The following MAP3K5 variants were observed in gnomAD, a reference collection of about 807,000 sequenced individuals.
The protein encoded by MAP3K5 is ASK-1.
MAP3K5 carries 56 observed loss-of-function variants against 158.7 expected under a neutral mutation model. The ratio of observed to expected loss-of-function variants is 0.35; its 90% CI spans 0.28 to 0.44. The LOEUF is 0.44. Among genes scored for constraint, MAP3K5 ranks in the 20% least tolerant of loss-of-function variants. The pLI is 1.00. For missense variants in MAP3K5, 1,294 were observed against 1,674.8 expected (o/e 0.77, Z 3.97); for synonymous variants, 579 against 601.7 (o/e 0.96, Z 0.55).
intron 7 of MAP3K5, among the ~76,000 whole-genome samples, chr6:136,676,637 A>AT (rs902629773): frequency 2.4e-4 from 36 of 149,396 alleles, no homozygotes; most frequent in Admixed American, 1.1e-3. Flanking sequence ...TTGGTATATG[A>AT]TTTTTTTTTT....
chr6:136,598,003 T>C (rs1284135927), intron 21 of MAP3K5, among the ~76,000 whole-genome samples: 4 of 152,226 alleles, frequency 2.6e-5, no homozygotes, highest in Non-Finnish European at 5.9e-5. Context: ...TGTAGAATCA[T>C]AGGTCCAGTG....
intron 14 of MAP3K5, among the ~76,000 whole-genome samples, chr6:136,633,953 A>G (rs2129103261): frequency 1.3e-5 from 2 of 152,358 alleles, no homozygotes; most frequent in East Asian, 1.9e-4. Context: ...GGTAAACATC[A>G]GAAAATAATT....
chr6:136,599,711 T>C (rs1775793100), intron 21 of MAP3K5, among the ~76,000 whole-genome samples: 1 of 152,168 alleles, frequency 6.6e-6, no homozygotes, highest in African/African-American at 2.4e-5. Context: ...AAGTAGGTAA[T>C]GTTACCAGCA....
intron 25 of MAP3K5, among the ~76,000 whole-genome samples, chr6:136,577,820 T>A (rs1387189049): frequency 6.6e-6 from 1 of 152,266 alleles, no homozygotes; most frequent in Non-Finnish European, 1.5e-5. Flanking sequence ...ATGATTAAAT[T>A]AACATTGGTA....
At chr6:136,649,934 A>G (rs1002038593) in intron 11 of MAP3K5, among the ~76,000 whole-genome samples, 1 of 152,216 alleles carries the variant, frequency 6.6e-6, no homozygotes, top group Non-Finnish European at 1.5e-5. Context: ...ATCCAGGTCT[A>G]TTGACTCAAG....
chr6:136,576,551 C>T (rs191820397), intron 25 of MAP3K5, among the ~76,000 whole-genome samples: 1 of 152,294 alleles, frequency 6.6e-6, no homozygotes, highest in Non-Finnish European at 1.5e-5. Context: ...AAGCAATCCT[C>T]TTGCCTTGGC....
Position 136,771,742 on chromosome 6 carries a change from G to A in MAP3K5, c.448+19968C>T, listed in dbSNP as rs184472811. Among the ~76,000 whole-genome samples, 558 of 152,254 alleles carry A rather than the reference G, an allele frequency of 3.7e-3. 2 individuals carry two copies. Among genetic ancestry groups the A allele is most frequent in the Admixed American group, 6.3e-3 (97 of 15,302 alleles). The stretch of plus-strand genomic sequence containing the variant: ...GCCCTTGAATTCTTTCCTGGGCAAA[G>A]CCAAGAACCCTCATGGGCTAAGCTC... On this transcript the variant is annotated intron_variant, in intron 1 of 29. Transcript: ENST00000359015.
intron 8 of MAP3K5, among the ~76,000 whole-genome samples, chr6:136,663,579 T>G (rs1401467264): frequency 6.6e-6 from 1 of 151,892 alleles, no homozygotes; most frequent in Non-Finnish European, 1.5e-5. Flanking sequence ...TTAATTGCAT[T>G]TAGTTTTTAT....
Position 136,769,810 on chromosome 6 carries a change from A to AGGGAGGGAGGGAGGGG in MAP3K5, c.448+21899_448+21900insCCCCTCCCTCCCTCCC, listed in dbSNP as rs1562691253. On this transcript the variant is annotated intron_variant, in intron 1 of 29. Coordinates refer to ENST00000359015, the MANE Select transcript of MAP3K5 (RefSeq NM_005923.4). ...AAGGAAGGAAGGGAGGGAGGGAGGG[A>AGGGAGGGAGGGAGGGG]GGGGACGGGAGGGAGGGAGGGAAGG... Among the ~76,000 whole-genome samples, 14 of 26,322 alleles carry AGGGAGGGAGGGAGGGG rather than the reference A, an allele frequency of 5.3e-4. 1 individual carries two copies. Among genetic ancestry groups the AGGGAGGGAGGGAGGGG allele is most frequent in the Non-Finnish European group, 9.6e-4 (14 of 14,612 alleles). The allele number at this position is 26,322 out of a possible 152,430, so 17.3% of individuals were successfully genotyped here.
At chr6:136,745,149 T>G (rs1333398581) in intron 1 of MAP3K5, among the ~76,000 whole-genome samples, 2 of 150,246 alleles carry the variant, frequency 1.3e-5, no homozygotes, top group Non-Finnish European at 3.0e-5. Context: ...TAAAGTTTTT[T>G]TTTTTTTTTT....
intron 15 of MAP3K5, among the ~76,000 whole-genome samples, chr6:136,615,026 A>C (rs1776504119): frequency 6.6e-6 from 1 of 152,210 alleles, no homozygotes; most frequent in Admixed American, 6.5e-5. Context: ...AAATTATAAA[A>C]GTTATTTTAT....
At chr6:136,608,212 G>A (rs935822682) in intron 18 of MAP3K5, among the ~76,000 whole-genome samples, 7 of 151,872 alleles carry the variant, frequency 4.6e-5, no homozygotes, top group Non-Finnish European at 1.0e-4. Flanking sequence ...AACAGACTCC[G>A]AATCAGGTCA....
upstream of MAP3K5, among the ~76,000 whole-genome samples, chr6:136,792,857 T>C (rs897571070): frequency 9.2e-5 from 14 of 152,248 alleles, no homozygotes; most frequent in Middle Eastern, 3.4e-3. This position sits in a 1 kb window ranked among gnomAD's most constrained non-coding sequence, Gnocchi z 5.7. Flanking sequence ...ACCACCAGCT[T>C]CTGGCCACCC....
chr6:136,688,502 A>C (rs958803404), intron 7 of MAP3K5, among the ~76,000 whole-genome samples: 1 of 152,204 alleles, frequency 6.6e-6, no homozygotes, highest in Non-Finnish European at 1.5e-5. Context: ...GCTTAAAATG[A>C]AATCACAAAA....
In MAP3K5 at chr6:136,567,686, T is replaced by G. The variant is rs2129070019; in HGVS notation, c.3706A>C (p.Ser1236Arg). The G allele has an allele frequency of 6.2e-7, 1 of 1,614,184 alleles. No individual in the cohort carries two copies. Among genetic ancestry groups the G allele is most frequent in the African/African-American group, 1.3e-5 (1 of 75,058 alleles). Reference protein sequence around the residue: ...LSSTVSHDSQSAHRSLNVQLG... With the variant: ...LSSTVSHDSQRAHRSLNVQLG... Reference sequence around the variant, plus strand: ...TGTACATTCAGTGACCGGTGAGCACTCTGGGAATCATGAGACACAGTAGAA... The same window carrying G: ...TGTACATTCAGTGACCGGTGAGCACGCTGGGAATCATGAGACACAGTAGAA... The change falls in exon 26 of 30, where the codon AGT becomes CGT. Residue 1236 changes from serine to arginine, a missense_variant. Ser to Arg is a moderately radical substitution (Grantham distance 110). This residue lies in a region of MAP3K5 where 199 missense variants were observed against 220.3 expected (regional missense o/e 0.90). Transcript: ENST00000359015.
In MAP3K5 at chr6:136,567,765, T is replaced by G. The variant is rs755814833; in HGVS notation, c.3627A>C (p.Arg1209Ser). The stretch of plus-strand genomic sequence containing the variant: ...CAGCATCTTCAATGACAGCCTGAGG[T>G]CTTCGGACAGTTTGATTTGAAGGCT... The part of the protein sequence containing the change: ...EEQPSNQTVR[R>S]PQAVIEDAVA... The change falls in exon 26 of 30, where the codon AGA becomes AGC. Residue 1209 changes from arginine (R) to serine (S), a missense_variant. Arg to Ser is a moderately radical substitution (Grantham distance 110). Transcript: ENST00000359015. The G allele has an allele frequency of 3.7e-6, 6 of 1,613,986 alleles. No homozygotes were observed. The highest frequency in any genetic ancestry group is 8.5e-7 in the Non-Finnish European group (1 of 1,180,030).
At chr6:136,623,018 T>G in intron 14 of MAP3K5, 37 bp from the exon 15 acceptor site, 1 of 1,602,528 alleles carries the variant, frequency 6.2e-7, no homozygotes, top group Non-Finnish European at 8.5e-7. Context: ...GATCAAAACA[T>G]TAGTTCATTC....
At chr6:136,646,930 T>C (rs1178872355) in intron 11 of MAP3K5, among the ~76,000 whole-genome samples, 1 of 152,214 alleles carries the variant, frequency 6.6e-6, no homozygotes. Flanking sequence ...AAATTCCTCA[T>C]GATTCCTCTA....
At chr6:136,645,364 T>C (rs1778200989) in intron 11 of MAP3K5, among the ~76,000 whole-genome samples, 1 of 152,158 alleles carries the variant, frequency 6.6e-6, no homozygotes, top group Non-Finnish European at 1.5e-5. Context: ...TAAGCATGTT[T>C]CCCTCATAAA....
Sources: allele counts gnomAD v4.1 joint callset (sites outside exome capture counted in the v4.1 genomes callset), GRCh38; gene constraint gnomAD v4.1.1; regional missense constraint gnomAD v4.1.1; non-coding constraint Gnocchi (gnomAD v3.1); transcripts MANE v1.5; gene names NCBI Gene and HGNC (gene_info 2026-07-23, HGNC 2026-07-21).